The following PCNX1 variants were observed in gnomAD, a reference collection of about 807,000 sequenced individuals.
PCNX1 encodes the protein pecanex-like protein 1.
Under a neutral mutation model 242.2 loss-of-function variants are expected in PCNX1, and 78 were observed. The ratio of observed to expected loss-of-function variants is 0.32; its 90% confidence interval spans 0.27 to 0.39. The LOEUF (loss-of-function observed/expected upper bound fraction) is 0.39. Among genes scored for constraint, PCNX1 ranks in the 10% least tolerant of loss-of-function variants. The probability of loss-of-function intolerance (pLI) is 1.00; values close to 1 mark genes in which losing one functional copy is unlikely to be tolerated. For missense variants in PCNX1, 2,581 were observed against 2,856.5 expected, an observed-to-expected ratio of 0.90 and a Z score of 2.20; for synonymous variants, 1,024 against 1,032.9, an observed-to-expected ratio of 0.99 and a Z score of 0.17.
chr14:71,057,023 T>C (rs1326007492), intron 25 of PCNX1, among the ~76,000 whole-genome samples: 1 of 152,174 alleles, frequency 6.6e-6, no homozygotes, highest in Non-Finnish European at 1.5e-5. Flanking sequence ...ACAGTTTATC[T>C]CTGCTTAACA....
At chr14:70,990,846 A>G (rs2059142963) in intron 7 of PCNX1, among the ~76,000 whole-genome samples, 1 of 152,182 alleles carries the variant, frequency 6.6e-6, no homozygotes, top group Non-Finnish European at 1.5e-5. Context: ...ACATGTAGAA[A>G]GAGCTCAGCG....
intron 30 of PCNX1, among the ~76,000 whole-genome samples, chr14:71,101,608 CAATAT>C (rs2062462851): frequency 6.6e-6 from 1 of 151,768 alleles, no homozygotes; most frequent in Non-Finnish European, 1.5e-5. Flanking sequence ...AGAAGAAACA[CAATAT>C]AGAGACCTTT....
At chr14:71,052,656 A>T (rs1442257951) in intron 24 of PCNX1, among the ~76,000 whole-genome samples, 1 of 152,236 alleles carries the variant, frequency 6.6e-6, no homozygotes, top group Non-Finnish European at 1.5e-5. Flanking sequence ...TATAACAGTC[A>T]TAATGAGTTA....
chr14:70,934,446 T>A (rs1457868290), intron 1 of PCNX1, among the ~76,000 whole-genome samples: 1 of 152,208 alleles, frequency 6.6e-6, no homozygotes, highest in Non-Finnish European at 1.5e-5. Flanking sequence ...ATCTTAACCA[T>A]TTAAAAAATT....
At chr14:71,019,227 A>G (rs1050134436) in intron 12 of PCNX1, 65 bp downstream of exon 12, 1 of 1,239,658 alleles carries the variant, frequency 8.1e-7, no homozygotes, top group Non-Finnish European at 1.1e-6. Flanking sequence ...AGGATTTTGT[A>G]GCAATTACTG....
At chr14:71,109,726 AGG>A in intron 35 of PCNX1, 67 bp from the exon 36 acceptor site, 2 of 1,568,464 alleles carry the variant, frequency 1.3e-6, no homozygotes, top group South Asian at 2.2e-5. Flanking sequence ...AATCCTAGGT[AGG>A]GGTAAGAGTT....
intron 1 of PCNX1, among the ~76,000 whole-genome samples, chr14:70,934,803 G>A (rs1014162106): frequency 8.5e-5 from 13 of 152,100 alleles, no homozygotes; most frequent in African/African-American, 2.9e-4. Flanking sequence ...ATAGATAGAG[G>A]GTTTCAGTTT....
At chr14:71,064,978 A>G (rs1053081571) in intron 26 of PCNX1, among the ~76,000 whole-genome samples, 3 of 152,138 alleles carry the variant, frequency 2.0e-5, no homozygotes, top group African/African-American at 7.2e-5. Context: ...TAGTATTCCA[A>G]TGGTGTATAT....
intron 2 of PCNX1, among the ~76,000 whole-genome samples, chr14:70,950,511 C>CT (rs1173379334): frequency 6.6e-6 from 1 of 152,088 alleles, no homozygotes; most frequent in Non-Finnish European, 1.5e-5. Context: ...GGTGGAATTA[C>CT]TAGAAATGCT....
chr14:71,018,924 T>G, intron 11 of PCNX1, 85 bp from the exon 12 acceptor site: 1 of 1,166,038 alleles, frequency 8.6e-7, no homozygotes, highest in Non-Finnish European at 1.2e-6. Flanking sequence ...ATGAACTTCA[T>G]ATTTATGTCT....
At chr14:71,079,200 T>C (rs1419131842) in intron 28 of PCNX1, among the ~76,000 whole-genome samples, 1 of 152,234 alleles carries the variant, frequency 6.6e-6, no homozygotes, top group Non-Finnish European at 1.5e-5. Flanking sequence ...TATGGCTGCA[T>C]AGTATTCCAT....
intron 19 of PCNX1, among the ~76,000 whole-genome samples, chr14:71,041,780 CTACTATACTATACTATACTA>C (rs71105759): frequency 0.11 from 16,472 of 149,222 alleles, 1,109 homozygotes; most frequent in Admixed American, 0.18. Flanking sequence ...GCATTTATTG[CTACTATACTATACTATACTA>C]TACTATACTA....
chr14:70,950,959 A>G (rs1424484545), intron 2 of PCNX1, among the ~76,000 whole-genome samples: 1 of 151,660 alleles, frequency 6.6e-6, no homozygotes, highest in Non-Finnish European at 1.5e-5. Flanking sequence ...TGTGTTTGTT[A>G]TTTCTGCTTT....
At chr14:71,094,639 C>T (rs2062224620) in intron 30 of PCNX1, among the ~76,000 whole-genome samples, 1 of 152,090 alleles carries the variant, frequency 6.6e-6, no homozygotes, top group South Asian at 2.1e-4. Flanking sequence ...GTAATTAAAA[C>T]TGTTACGTTG....
chr14:71,048,104 C>G, intron 22 of PCNX1, 120 bp downstream of exon 22: 2 of 603,574 alleles, frequency 3.3e-6, no homozygotes, highest in Non-Finnish European at 5.5e-6. Flanking sequence ...TAACTCTCTT[C>G]AACCAGTTAT....
chr14:71,056,674 C>A (rs370231203), intron 25 of PCNX1, among the ~76,000 whole-genome samples: 1 of 151,448 alleles, frequency 6.6e-6, no homozygotes, highest in East Asian at 1.9e-4. Context: ...TAATGTTTTT[C>A]TTTCTTTTTC....
intron 1 of PCNX1, among the ~76,000 whole-genome samples, chr14:70,925,386 T>G (rs769449970): frequency 1.3e-5 from 2 of 152,238 alleles, no homozygotes. Flanking sequence ...GTCTAGTTCC[T>G]TACTTTAATG....
chr14:71,109,933 T>C lies in PCNX1; in HGVS notation c.7024T>C (p.Ter2342ArgextTer33). The C allele has an allele frequency of 6.2e-7, 1 of 1,612,928 alleles. No homozygotes were observed. The highest frequency in any genetic ancestry group is 8.5e-7 in the Non-Finnish European group (1 of 1,179,014). ...GGTACTAGAACTTGGGGCTGAAGTG[T>C]GAGCCAGTGTTTATTATAAAGACAT... is the stretch of plus-strand genomic sequence containing the variant. ...TGVLELGAEV[*>R] Residue 2342 changes from the stop codon to arginine (R), a stop_lost, in exon 36 of 36, where the codon TGA becomes CGA. Transcript: ENST00000304743.
intron 33 of PCNX1, among the ~76,000 whole-genome samples, chr14:71,107,821 TAATA>T (rs2062665803): frequency 6.6e-6 from 1 of 152,224 alleles, no homozygotes; most frequent in Non-Finnish European, 1.5e-5. Context: ...AGTAGGGCCT[TAATA>T]AATATTTCTT....
Sources: gnomAD v4.1 joint callset for allele counts (sites outside exome capture counted in the v4.1 genomes callset) on GRCh38, gnomAD v4.1.1 for gene constraint, MANE v1.5 for transcripts, NCBI Gene and HGNC (gene_info 2026-07-23, HGNC 2026-07-21) for gene names.